Variants in CEP128 observed in about 807,000 individuals in gnomAD.
CEP128 encodes centrosomal protein 128kDa.
Under a neutral mutation model 156.7 loss-of-function variants are expected in CEP128, and 132 were observed. The ratio of observed to expected loss-of-function variants is 0.84; its 90% CI spans 0.73 to 0.97. The LOEUF (loss-of-function observed/expected upper bound fraction) is 0.97, where lower values mean the gene tolerates loss of function less well. CEP128 is among the 50% of genes least tolerant of loss of function. The pLI is 0.00. For synonymous variants in CEP128, 469 were observed against 448.9 expected (o/e 1.04, Z -0.57); for missense variants, 1,252 against 1,281.9 (o/e 0.98, Z 0.36).
At chr14:80,872,226 C>T (rs1410967844) in intron 8 of CEP128, among the ~76,000 whole-genome samples, 1 of 152,130 alleles carries the variant, frequency 6.6e-6, no homozygotes, top group East Asian at 1.9e-4. Context: ...AACTAATAAA[C>T]TGAAATTTCC....
At chr14:80,762,531 G>C (rs1011711294) in intron 16 of CEP128, among the ~76,000 whole-genome samples, 3 of 152,092 alleles carry the variant, frequency 2.0e-5, no homozygotes, top group African/African-American at 7.2e-5. Context: ...AATTAATCAT[G>C]AAAGCTAGAA....
chr14:80,955,435 A>C, intron 2 of CEP128: 1 of 574,890 alleles, frequency 1.7e-6, no homozygotes, highest in Non-Finnish European at 3.1e-6. Context: ...GCGTGGGTCC[A>C]GCCAAGGAAA....
At chr14:80,874,470 C>CA (rs201809950) in intron 8 of CEP128, among the ~76,000 whole-genome samples, 9,338 of 129,066 alleles carry the variant, frequency 0.072, 959 homozygotes, top group African/African-American at 0.24. Context: ...TCTCTGTCTC[C>CA]AAAAAAAAAA....
chr14:80,680,674 G>A (rs1896284831), intron 19 of CEP128, among the ~76,000 whole-genome samples: 1 of 152,170 alleles, frequency 6.6e-6, no homozygotes, highest in Admixed American at 6.5e-5. Context: ...AGAATCTGAA[G>A]GATGTACTCT....
Position 80,836,403 on chromosome 14 carries a change from T to C in CEP128, c.925-66A>G. On this transcript the variant is annotated intron_variant, in intron 11 of 24. Coordinates refer to ENST00000555265, the MANE Select transcript of CEP128 (RefSeq NM_152446.5). ...AGAGAAAGACCTACTTCAAATGGGCTATTGTAAACACAAGTTGAATCCAGG... is the reference window on the plus strand; with the variant it reads ...AGAGAAAGACCTACTTCAAATGGGCCATTGTAAACACAAGTTGAATCCAGG... The C allele has an allele frequency of 3.2e-6, 5 of 1,572,782 alleles. No homozygotes were observed. The South Asian group carries it at 3.4e-5, about 11-fold the overall frequency.
intron 8 of CEP128, among the ~76,000 whole-genome samples, chr14:80,870,825 A>T (rs1455533742): frequency 6.6e-6 from 1 of 152,020 alleles, no homozygotes; most frequent in African/African-American, 2.4e-5. Flanking sequence ...TTCAGATGAC[A>T]TGATCTTATA....
chr14:80,849,775 A>G (rs913545812), intron 9 of CEP128, among the ~76,000 whole-genome samples: 2 of 152,162 alleles, frequency 1.3e-5, no homozygotes, highest in Non-Finnish European at 2.9e-5. Flanking sequence ...TAAACTATCC[A>G]ACAGAACACC....
intron 20 of CEP128, among the ~76,000 whole-genome samples, chr14:80,569,314 T>A (rs117151106): frequency 0.013 from 2,051 of 152,330 alleles, 40 homozygotes; most frequent in Non-Finnish European, 0.015. Flanking sequence ...TTTTCAGGAC[T>A]ATAAATAAAG....
intron 9 of CEP128, among the ~76,000 whole-genome samples, chr14:80,859,559 A>C (rs985059945): frequency 6.8e-6 from 1 of 147,162 alleles, no homozygotes; most frequent in Admixed American, 6.7e-5. Flanking sequence ...ATAATAAATT[A>C]ATTAATTTTT....
downstream of CEP128, among the ~76,000 whole-genome samples, chr14:80,491,645 C>T (rs968570896): frequency 3.3e-5 from 5 of 152,154 alleles, no homozygotes; most frequent in African/African-American, 1.2e-4. Context: ...AAATGACAGA[C>T]AAGCACAGGG....
chr14:80,902,461 T>C (rs1883631147), intron 6 of CEP128, among the ~76,000 whole-genome samples: 1 of 152,208 alleles, frequency 6.6e-6, no homozygotes, highest in African/African-American at 2.4e-5. Flanking sequence ...TGTCTCGTTA[T>C]GCAGTAACAA....
intron 13 of CEP128, among the ~76,000 whole-genome samples, chr14:80,815,834 G>A (rs1884820340): frequency 6.6e-6 from 1 of 152,168 alleles, no homozygotes; most frequent in Non-Finnish European, 1.5e-5. Flanking sequence ...AAAACAGAAA[G>A]TCAAATACTG....
intron 21 of CEP128, among the ~76,000 whole-genome samples, chr14:80,534,256 G>C (rs1234034527): frequency 1.3e-5 from 2 of 151,724 alleles, no homozygotes; most frequent in African/African-American, 2.4e-5. Flanking sequence ...GATTGGCTGG[G>C]ATTCTGTGAT....
chr14:80,674,590 A>G (rs1435771791), intron 19 of CEP128, among the ~76,000 whole-genome samples: 1 of 152,100 alleles, frequency 6.6e-6, no homozygotes, highest in Non-Finnish European at 1.5e-5. Context: ...AAACCTCTCT[A>G]AAGTCTTAAA....
chr14:80,540,205 C>CCCG (rs1555372598), intron 21 of CEP128, among the ~76,000 whole-genome samples: 15 of 150,634 alleles, frequency 1.0e-4, no homozygotes, highest in African/African-American at 2.2e-4. Flanking sequence ...ACACCCCCCC[C>CCCG]CCTTTTGAAA....
At chr14:80,597,964 A>AAAC (rs1555379722) in intron 19 of CEP128, among the ~76,000 whole-genome samples, 4 of 149,850 alleles carry the variant, frequency 2.7e-5, no homozygotes, top group African/African-American at 9.7e-5. Flanking sequence ...AAAAAAAAAA[A>AAAC]AAAAAACAAA....
At position 80,828,145 on chromosome 14, in the gene CEP128, A is replaced by G. The variant is rs567283647; in HGVS notation, c.1209+2998T>C. On this transcript the variant is annotated intron_variant, in intron 13 of 24. Coordinates refer to ENST00000555265, the MANE Select transcript of CEP128 (RefSeq NM_152446.5). ...TTTCTTTTTTTTTTTTTTTTTTGAG[A>G]TGGAGTCTCACTCTGTCGCCCATTC... 7.4e-4 allele frequency among the ~76,000 whole-genome samples: 85 copies of G among 115,354 alleles called. 1 individual carries two copies. The highest frequency in any genetic ancestry group is 6.0e-3 in the Middle Eastern group (1 of 166). 75.7% of individuals were successfully genotyped at this position (115,354 alleles called of 152,430 possible).
At chr14:80,748,761 G>T (rs914784051) in intron 18 of CEP128, among the ~76,000 whole-genome samples, 2 of 152,116 alleles carry the variant, frequency 1.3e-5, no homozygotes, top group Non-Finnish European at 2.9e-5. Context: ...TTAACCAAAG[G>T]AGAGGGAAGA....
At chr14:80,847,985 T>C (rs1430146478) in intron 9 of CEP128, among the ~76,000 whole-genome samples, 1 of 152,184 alleles carries the variant, frequency 6.6e-6, no homozygotes, top group Non-Finnish European at 1.5e-5. Flanking sequence ...AAACACTTAC[T>C]GGGCCCCTAC....
Sources: allele counts gnomAD v4.1 joint callset (sites outside exome capture counted in the v4.1 genomes callset), GRCh38; gene constraint gnomAD v4.1.1; transcripts MANE v1.5; gene names NCBI Gene and HGNC (gene_info 2026-07-23, HGNC 2026-07-21).